Variants in DDX6 observed in about 807,000 individuals in gnomAD.
DDX6 encodes the protein probable ATP-dependent RNA helicase DDX6.
DDX6 carries 7 observed loss-of-function variants against 60.6 expected under a neutral mutation model. That is an observed-to-expected ratio of 0.12 (90% CI 0.07 to 0.22). The LOEUF is 0.22. DDX6 is among the 10% of genes least tolerant of loss of function. The pLI is 1.00. For missense variants in DDX6, 270 were observed against 589.9 expected, an observed-to-expected ratio of 0.46 and a Z score of 5.62; for synonymous variants, 207 against 201.0, an observed-to-expected ratio of 1.03 and a Z score of -0.25.
At position 118,762,013 on chromosome 11, in the gene DDX6, GC is replaced by G. The variant is rs1256445524; in HGVS notation, c.741+1198del. ...AACCAGGCCGGGCGTGGTGGCTCAT[GC>G]CTGTAATCCCAGCAATTTGGGAGGC... On this transcript the variant is annotated intron_variant, in intron 7 of 13. Transcript: ENST00000534980. Among the ~76,000 whole-genome samples, 5 of 152,232 alleles carry G rather than the reference GC, an allele frequency of 3.3e-5. No individual in the cohort carries two copies. The East Asian group carries it at 9.7e-4, about 29-fold the overall frequency.
chr11:118,754,635 TC>T, intron 13 of DDX6, 69 bp downstream of exon 13: 1 of 1,406,048 alleles, frequency 7.1e-7, no homozygotes, highest in South Asian at 1.4e-5. Flanking sequence ...ACATCAAATT[TC>T]CCCCAGGAAA....
chr11:118,767,455 A>T (rs1555161459), intron 5 of DDX6, among the ~76,000 whole-genome samples: 1 of 152,090 alleles, frequency 6.6e-6, no homozygotes. Flanking sequence ...TAACTATGAA[A>T]ATTTTTTATT....
Position 118,749,358 on chromosome 11 carries a change from G to GAAAGAAA in DDX6, c.*2746_*2747insTTTCTTT, listed in dbSNP as rs1860671955. On this transcript the variant is annotated 3_prime_UTR_variant, in exon 14 of 14. Transcript: ENST00000534980. ...TTATTATGAGGGCCCAAAAAAGAAAGAAAAAAAAAAAAAAAAAAAAAAAGA... is the reference window on the plus strand; with the variant it reads ...TTATTATGAGGGCCCAAAAAAGAAAGAAAGAAAAAAAAAAAAAAAAAAAAAAAAAAGA... 3 of 91,798 alleles carry GAAAGAAA rather than the reference G, an allele frequency of 3.3e-5. No homozygotes were observed. The highest frequency in any genetic ancestry group is 8.4e-5 in the African/African-American group (2 of 23,752). The allele number at this position is 91,798 out of a possible 1,614,324, so 5.7% of individuals were successfully genotyped here.
rs191380579 is a variant in DDX6 at position 118,790,597 on chromosome 11, C to T, written c.-268+501G>A. On this transcript the variant is annotated intron_variant, in intron 1 of 13. Coordinates refer to ENST00000534980, the MANE Select transcript of DDX6 (RefSeq NM_004397.6). ...CACCATCATCCCCCTAAGTCCTTGC[C>T]GCCCCCTTCGGCCTCATATTCCCTC... 1.4e-3 allele frequency among the ~76,000 whole-genome samples: 215 copies of T among 152,174 alleles called. 2 individuals are homozygous for T. Among genetic ancestry groups the T allele is most frequent in the African/African-American group, 5.0e-3 (208 of 41,532 alleles).
At position 118,749,801 on chromosome 11, in the gene DDX6, C is replaced by T. The variant is rs1474777537; in HGVS notation, c.*2304G>A. 1 of 152,604 alleles carries T rather than the reference C, an allele frequency of 6.6e-6. No homozygotes were observed. Among genetic ancestry groups the T allele is most frequent in the Non-Finnish European group, 1.5e-5 (1 of 68,040 alleles). The allele number at this position is 152,604 out of a possible 1,614,324, so 9.5% of individuals were successfully genotyped here. On this transcript the variant is annotated 3_prime_UTR_variant, in exon 14 of 14. Transcript: ENST00000534980. ...AGTTGACACCTTTTAAATTCCCTCT[C>T]CCACCCCTCCCTGGAAAAAAGTTAC...
intron 4 of DDX6, among the ~76,000 whole-genome samples, chr11:118,777,802 C>G (rs1257236702): frequency 6.7e-6 from 1 of 149,488 alleles, no homozygotes. Context: ...GACACAAGAA[C>G]TGCTTGAACC....
intron 5 of DDX6, among the ~76,000 whole-genome samples, chr11:118,766,117 C>T (rs1392032438): frequency 6.6e-6 from 1 of 151,912 alleles, no homozygotes; most frequent in African/African-American, 2.4e-5. Context: ...AATCTAGATA[C>T]CGAGATGTAT....
chr11:118,749,647 A>G lies in DDX6; in HGVS notation c.*2458T>C, dbSNP rs1860685233. The G allele has an allele frequency of 6.6e-6, 1 of 152,642 alleles. No individual in the cohort carries two copies. The highest frequency in any genetic ancestry group is 1.5e-5 in the Non-Finnish European group (1 of 68,034). 9.5% of individuals were successfully genotyped at this position (152,642 alleles called of 1,614,324 possible). ...CTGCACTTTTTGTTTAGTCACCCAC[A>G]CGTTCTCTAGCGAGATACAGAATTG... On this transcript the variant is annotated 3_prime_UTR_variant, in exon 14 of 14. Transcript: ENST00000534980.
intron 5 of DDX6, among the ~76,000 whole-genome samples, chr11:118,767,140 G>T (rs368797008): frequency 2.0e-5 from 3 of 152,058 alleles, no homozygotes; most frequent in Admixed American, 2.0e-4. Context: ...GCCTTGCCTC[G>T]GCCTCCCGAA....
At chr11:118,763,705 G>A (rs1317557331) in intron 6 of DDX6, among the ~76,000 whole-genome samples, 5 of 151,870 alleles carry the variant, frequency 3.3e-5, no homozygotes, top group South Asian at 2.1e-4. Flanking sequence ...GTGGTGGTGG[G>A]AGCCTGTAAT....
rs979379804 is a variant in DDX6, at chr11:118,784,419, A to G, written c.200+1633T>C. Among the ~76,000 whole-genome samples the G allele has an allele frequency of 2.0e-5, 3 of 151,566 alleles. No homozygotes were observed. In the South Asian group the frequency reaches 6.2e-4, roughly 32 times the overall value. On this transcript the variant is annotated intron_variant, in intron 2 of 13. Transcript: ENST00000534980. ...CTCAGTTCAGTAACCCAGTGTCAACATCTTATAAAGATTCCCAGGGTTAAA... is the reference window on the plus strand; with the variant it reads ...CTCAGTTCAGTAACCCAGTGTCAACGTCTTATAAAGATTCCCAGGGTTAAA...
chr11:118,785,887 A>G (rs1862057686), intron 2 of DDX6, 165 bp downstream of exon 2: 7 of 570,992 alleles, frequency 1.2e-5, no homozygotes, highest in South Asian at 3.1e-5. Context: ...TGGCAGAAAT[A>G]TATTATTCTA....
intron 2 of DDX6, among the ~76,000 whole-genome samples, chr11:118,783,419 C>T (rs1310243914): frequency 6.6e-6 from 1 of 152,118 alleles, no homozygotes; most frequent in Non-Finnish European, 1.5e-5. Context: ...AAACTCCTGG[C>T]CTCAAGTGAT....
intron 4 of DDX6, among the ~76,000 whole-genome samples, chr11:118,770,687 C>T (rs868990160): frequency 1.3e-5 from 2 of 151,874 alleles, no homozygotes; most frequent in Non-Finnish European, 2.9e-5. Flanking sequence ...GTCAGGAGTT[C>T]GAGACCAGCC....
intron 6 of DDX6, among the ~76,000 whole-genome samples, chr11:118,763,540 T>G (rs1861245484): frequency 1.3e-5 from 2 of 151,964 alleles, no homozygotes; most frequent in Non-Finnish European, 2.9e-5. Flanking sequence ...TATCTTTTAT[T>G]AGAAACAACT....
In DDX6 at chr11:118,786,304, G is replaced by C; in HGVS notation, c.-53C>G. ...ACTTCAAAACTTTTGAAAGTCAGTA[G>C]AGAAACTGTAATAACAGTTTATTAG... On this transcript the variant is annotated 5_prime_UTR_variant, in exon 2 of 14. Transcript: ENST00000534980. 8 of 1,494,164 alleles carry C rather than the reference G, an allele frequency of 5.4e-6. No homozygotes were observed. Among genetic ancestry groups the C allele is most frequent in the Non-Finnish European group, 7.3e-6 (8 of 1,096,800 alleles). The allele number at this position is 1,494,164 out of a possible 1,614,324, so 92.6% of individuals were successfully genotyped here.
intron 1 of DDX6, chr11:118,787,950 G>C (rs1057165270): frequency 6.6e-6 from 1 of 150,964 alleles, no homozygotes; most frequent in Admixed American, 6.6e-5. Flanking sequence ...AAACACACTA[G>C]TAATTTTAAG....
intron 4 of DDX6, among the ~76,000 whole-genome samples, chr11:118,775,593 T>TACTCATACAATAC (rs1565573935): frequency 6.6e-6 from 1 of 152,116 alleles, no homozygotes; most frequent in Non-Finnish European, 1.5e-5. Flanking sequence ...TAAAACAATA[T>TACTCATACAATAC]ACTCATACAA....
chr11:118,774,377 G>A (rs1394858448), intron 4 of DDX6, among the ~76,000 whole-genome samples: 1 of 151,872 alleles, frequency 6.6e-6, no homozygotes, highest in East Asian at 1.9e-4. Flanking sequence ...CGTTGTGGGA[G>A]CAATCTGTAG....
Sources: allele counts gnomAD v4.1 joint callset (sites outside exome capture counted in the v4.1 genomes callset), GRCh38; gene constraint gnomAD v4.1.1; transcripts MANE v1.5; gene names NCBI Gene and HGNC (gene_info 2026-07-23, HGNC 2026-07-21).